The following SGCZ variants were observed in gnomAD, a reference collection of about 807,000 sequenced individuals.
The protein encoded by SGCZ is sarcoglycan zeta, also known as zeta-sarcoglycan.
SGCZ carries 40 observed loss-of-function variants against 41.3 expected under a neutral mutation model. The ratio of observed to expected loss-of-function variants is 0.97; its 90% confidence interval spans 0.75 to 1.26. SGCZ has a LOEUF of 1.26. Ranked by LOEUF, SGCZ falls within the 50% of genes most tolerant of loss-of-function variation. The probability of loss-of-function intolerance (pLI) is 0.00; values close to 1 mark genes in which losing one functional copy is unlikely to be tolerated. For missense variants in SGCZ, 552 were observed against 369.8 expected, an observed-to-expected ratio of 1.49 and a Z score of -4.04; for synonymous variants, 206 against 137.5, an observed-to-expected ratio of 1.50 and a Z score of -3.49.
At chr8:15,001,751 A>G (rs1203242575) in intron 1 of SGCZ, among the ~76,000 whole-genome samples, 1 of 148,246 alleles carries the variant, frequency 6.7e-6, no homozygotes, top group Non-Finnish European at 1.5e-5. Context: ...AAAAAAAAAA[A>G]GAGAAAAAAG....
chr8:14,822,639 C>A (rs1295947337), intron 1 of SGCZ, among the ~76,000 whole-genome samples: 1 of 151,772 alleles, frequency 6.6e-6, no homozygotes, highest in Non-Finnish European at 1.5e-5. Context: ...ATATGTAAAC[C>A]AACAGAACAA....
intron 1 of SGCZ, among the ~76,000 whole-genome samples, chr8:15,040,712 TATA>T (rs1804063588): frequency 6.6e-6 from 1 of 152,194 alleles, no homozygotes; most frequent in Admixed American, 6.6e-5. Flanking sequence ...TGCGCATTAT[TATA>T]AATGTTTTCC....
intron 5 of SGCZ, among the ~76,000 whole-genome samples, chr8:14,113,821 A>G (rs1033989405): frequency 3.3e-5 from 5 of 152,048 alleles, no homozygotes; most frequent in Admixed American, 1.3e-4. Flanking sequence ...CTTAGGATTT[A>G]CTGCTTAGCA....
At chr8:14,191,512 G>A (rs905454072) in intron 4 of SGCZ, among the ~76,000 whole-genome samples, 2 of 152,030 alleles carry the variant, frequency 1.3e-5, no homozygotes, top group Non-Finnish European at 2.9e-5. Context: ...TTTTGTGTAC[G>A]GTGTGATATA....
chr8:14,821,831 C>T (rs898693864), intron 1 of SGCZ, among the ~76,000 whole-genome samples: 3 of 151,916 alleles, frequency 2.0e-5, no homozygotes, highest in Admixed American at 6.6e-5. Flanking sequence ...AAAGGCCATA[C>T]GGGACAAATC....
At chr8:14,810,666 C>T (rs940950295) in intron 1 of SGCZ, among the ~76,000 whole-genome samples, 2 of 151,966 alleles carry the variant, frequency 1.3e-5, no homozygotes, top group African/African-American at 4.8e-5. Context: ...CAAGAGAGAG[C>T]TAACTGGATA....
At chr8:14,567,183 C>T (rs556819237) in intron 1 of SGCZ, among the ~76,000 whole-genome samples, 2 of 152,220 alleles carry the variant, frequency 1.3e-5, no homozygotes, top group Non-Finnish European at 2.9e-5. Flanking sequence ...TGCTCCACAG[C>T]GCCGGGTCCC....
chr8:14,551,501 T>C (rs1181310272), intron 2 of SGCZ, among the ~76,000 whole-genome samples: 1 of 3,510 alleles, frequency 2.8e-4, no homozygotes, highest in Non-Finnish European at 4.7e-4. Context: ...ATATATATTA[T>C]ATATATTATA....
intron 2 of SGCZ, among the ~76,000 whole-genome samples, chr8:14,547,321 A>C (rs533947283): frequency 5.9e-5 from 9 of 152,266 alleles, no homozygotes; most frequent in African/African-American, 2.2e-4. Flanking sequence ...GACGGCCAGA[A>C]AGGGTGCTGA....
At chr8:14,865,903 C>T (rs1803914677) in intron 1 of SGCZ, among the ~76,000 whole-genome samples, 1 of 152,098 alleles carries the variant, frequency 6.6e-6, no homozygotes, top group Non-Finnish European at 1.5e-5. Flanking sequence ...CTTACAGTAT[C>T]ACCAAACGAC....
At chr8:14,727,904 A>T (rs1433740706) in intron 1 of SGCZ, among the ~76,000 whole-genome samples, 1 of 152,202 alleles carries the variant, frequency 6.6e-6, no homozygotes, top group African/African-American at 2.4e-5. Flanking sequence ...ATAATGAAAT[A>T]TTACTAAGCA....
At chr8:14,666,295 A>G (rs908379514) in intron 1 of SGCZ, among the ~76,000 whole-genome samples, 1 of 152,130 alleles carries the variant, frequency 6.6e-6, no homozygotes, top group Non-Finnish European at 1.5e-5. Flanking sequence ...TAATTTTCAC[A>G]TTGCTATTTT....
chr8:14,453,325 T>C (rs1800651874), intron 2 of SGCZ, among the ~76,000 whole-genome samples: 2 of 152,326 alleles, frequency 1.3e-5, no homozygotes, highest in South Asian at 4.1e-4. Context: ...AGTCAATAAT[T>C]TCTTTTCAGG....
chr8:14,723,901 A>G lies in SGCZ; in HGVS notation c.40-168975T>C, dbSNP rs1031964194. On this transcript the variant is annotated intron_variant, in intron 1 of 7. Coordinates refer to ENST00000382080, the MANE Select transcript of SGCZ (RefSeq NM_139167.4). ...AGTGGTAGTGGTTCCTTCCACCTTC[A>G]TTGCCTTTATAGCAACACACAGGTC... 5.9e-5 allele frequency among the ~76,000 whole-genome samples: 9 copies of G among 152,056 alleles called. No homozygotes were observed. In the South Asian group the frequency reaches 1.9e-3, roughly 32 times the overall value.
intron 1 of SGCZ, among the ~76,000 whole-genome samples, chr8:14,633,566 C>G (rs566650420): frequency 6.6e-6 from 1 of 151,962 alleles, no homozygotes; most frequent in East Asian, 1.9e-4. Flanking sequence ...ATTACAGGAA[C>G]TATATTTTAC....
At chr8:15,175,015 G>C (rs953305706) in intron 1 of SGCZ, among the ~76,000 whole-genome samples, 2 of 151,576 alleles carry the variant, frequency 1.3e-5, no homozygotes, top group African/African-American at 4.8e-5. Context: ...TTAAAACCTA[G>C]ATGACAACTT....
At chr8:14,218,428 C>T (rs1347030307) in intron 4 of SGCZ, among the ~76,000 whole-genome samples, 3 of 152,138 alleles carry the variant, frequency 2.0e-5, no homozygotes, top group African/African-American at 7.2e-5. Flanking sequence ...AAAAAACTGA[C>T]TTAAACAATT....
intron 2 of SGCZ, among the ~76,000 whole-genome samples, chr8:14,444,478 A>C (rs1800371555): frequency 6.6e-6 from 1 of 152,188 alleles, no homozygotes; most frequent in Non-Finnish European, 1.5e-5. Context: ...AATACTATGC[A>C]GCCATAAAAA....
At chr8:14,818,701 A>G (rs1470421060) in intron 1 of SGCZ, among the ~76,000 whole-genome samples, 1 of 152,144 alleles carries the variant, frequency 6.6e-6, no homozygotes, top group Non-Finnish European at 1.5e-5. Context: ...AAAACAATTT[A>G]TGGTCTAAAT....
Sources: gnomAD v4.1 joint callset for allele counts (sites outside exome capture counted in the v4.1 genomes callset) on GRCh38, gnomAD v4.1.1 for gene constraint, MANE v1.5 for transcripts, NCBI Gene and HGNC (gene_info 2026-07-23, HGNC 2026-07-21) for gene names.